SUCO: variants seen among roughly 807,000 people sequenced by gnomAD.
The protein encoded by SUCO is SUN domain containing ossification factor, also known as SUN domain-containing ossification factor.
SUCO carries 57 observed loss-of-function variants against 148.1 expected under a neutral mutation model. That is an observed-to-expected ratio of 0.38 (90% confidence interval 0.31 to 0.48). The LOEUF (loss-of-function observed/expected upper bound fraction) is 0.48. SUCO is among the 20% of genes least tolerant of loss of function. The pLI is 0.96. For missense variants in SUCO, 1,331 were observed against 1,468.2 expected, an observed-to-expected ratio of 0.91 and a Z score of 1.53; for synonymous variants, 470 against 502.7, an observed-to-expected ratio of 0.93 and a Z score of 0.87.
intron 9 of SUCO, 197 bp downstream of exon 9, chr1:172,570,927 C>G: frequency 2.1e-6 from 1 of 475,498 alleles, no homozygotes; most frequent in East Asian, 3.5e-5. Flanking sequence ...AATGGCAGAT[C>G]TGGTTAAACA....
chr1:172,559,596 A>G (rs1653992324), intron 6 of SUCO, among the ~76,000 whole-genome samples: 1 of 152,208 alleles, frequency 6.6e-6, no homozygotes, highest in Admixed American at 6.5e-5. Context: ...CTACCCCATA[A>G]GCATTGTGCC....
chr1:172,538,406 A>G (rs1201102221), intron 1 of SUCO, among the ~76,000 whole-genome samples: 2 of 152,176 alleles, frequency 1.3e-5, no homozygotes, highest in African/African-American at 4.8e-5. Context: ...AATATACATA[A>G]GTGAGCAGAA....
At position 172,551,530 on chromosome 1, in the gene SUCO, A is replaced by G. The variant is rs760855663; in HGVS notation, c.81A>G (p.Val27=). Residue 27 remains valine, a synonymous_variant, in exon 2 of 24, where the codon GTA becomes GTG. Transcript: ENST00000263688. ...CSLVWLPSWR[V]CCKESSSASA... The stretch of plus-strand genomic sequence containing the variant: ...TTTACAGGCTTCCCAGCTGGCGTGT[A>G]TGTTGTAAAGAGAGTTCTTCAGCTT... 8.7e-6 allele frequency: 14 copies of G among 1,606,268 alleles called. No individual in the cohort carries two copies. The highest frequency in any genetic ancestry group is 5.1e-5 in the Admixed American group (3 of 58,984).
At chr1:172,581,378 T>C (rs527445000) in intron 15 of SUCO, among the ~76,000 whole-genome samples, 1 of 152,228 alleles carries the variant, frequency 6.6e-6, no homozygotes, top group South Asian at 2.1e-4. Context: ...GTCTCTAAAA[T>C]GAGATTTAAA....
chr1:172,540,159 A>G (rs1314643892), intron 1 of SUCO, among the ~76,000 whole-genome samples: 1 of 152,222 alleles, frequency 6.6e-6, no homozygotes, highest in Non-Finnish European at 1.5e-5. Flanking sequence ...AGCTTGCCCA[A>G]GTTCTTACAG....
At chr1:172,602,372 G>C (rs1558214859) in intron 21 of SUCO, 154 bp downstream of exon 21, 2 of 976,836 alleles carry the variant, frequency 2.0e-6, no homozygotes, top group Non-Finnish European at 2.4e-6. Flanking sequence ...TCGATAGTAA[G>C]ATGGTCCTAT....
intron 1 of SUCO, among the ~76,000 whole-genome samples, chr1:172,538,089 A>T (rs1318857610): frequency 1.3e-5 from 2 of 152,172 alleles, no homozygotes; most frequent in African/African-American, 4.8e-5. Context: ...ACCACCTGAC[A>T]GAGGATGAGT....
rs764079452 is a variant in SUCO, at chr1:172,585,885, C to T, written c.1595C>T (p.Thr532Ile). 7 of 1,609,216 alleles carry T rather than the reference C, an allele frequency of 4.3e-6. No individual in the cohort carries two copies. In the African/African-American group the frequency reaches 5.4e-5, roughly 12 times the overall value. ...EGNKSISENA[T>I]ATAAPKMPES... ...AATAAAAGTATATCTGAGAATGCCA[C>T]TGCCACAGCTGCACCTAAAATGCCT... The change falls in exon 17 of 24, where the codon ACT becomes ATT. Residue 532 changes from threonine (T) to isoleucine (I), a missense_variant. Thr to Ile is a moderately conservative substitution (Grantham distance 89, BLOSUM62 -1). Around this residue, in one of 3 missense-constraint regions of SUCO, gnomAD observed 992 missense variants for 1,093.5 expected, o/e 0.91. Coordinates refer to ENST00000263688, the MANE Select transcript of SUCO (RefSeq NM_014283.5).
intron 1 of SUCO, among the ~76,000 whole-genome samples, chr1:172,545,640 A>G (rs1310794207): frequency 6.6e-6 from 1 of 152,232 alleles, no homozygotes; most frequent in Non-Finnish European, 1.5e-5. Flanking sequence ...GAGGACAGAA[A>G]CTAGATTTCA....
At chr1:172,602,553 C>T (rs560607032) in intron 21 of SUCO, 143 bp from the exon 22 acceptor site, 1 of 1,432,258 alleles carries the variant, frequency 7.0e-7, no homozygotes, top group Non-Finnish European at 9.1e-7. Context: ...TTTTTTCCAC[C>T]TGTATTAGCA....
chr1:172,586,015 AAAG>A, intron 17 of SUCO, 67 bp downstream of exon 17: 1 of 1,045,268 alleles, frequency 9.6e-7, no homozygotes, highest in Middle Eastern at 2.1e-4. Context: ...TAGTATAAAA[AAAG>A]GAATTTGTGA....
chr1:172,557,441 C>A, intron 5 of SUCO, 24 bp downstream of exon 5: 1 of 1,613,142 alleles, frequency 6.2e-7, no homozygotes, highest in Non-Finnish European at 8.5e-7. Flanking sequence ...GTTGTTTGTC[C>A]TTCTTATGAT....
intron 4 of SUCO, 48 bp downstream of exon 4, chr1:172,556,071 T>C: frequency 6.7e-7 from 1 of 1,487,220 alleles, no homozygotes; most frequent in Non-Finnish European, 9.2e-7. Context: ...CCTTAGTTAG[T>C]GATAGAAAAA....
rs114450780 is a variant in SUCO, at chr1:172,588,551, C to G, written c.1659-209C>G. ...GTGGTTTGAGTCATCTGGCTAGTCA[C>G]TTGATAAATAGTATTTCTCTTATCA... On this transcript the variant is annotated intron_variant, in intron 17 of 23. Transcript: ENST00000263688. 2,186 of 985,002 alleles carry G rather than the reference C, an allele frequency of 2.2e-3. 42 individuals are homozygous for G. The African/African-American group carries it at 0.035, about 16-fold the overall frequency. The allele number at this position is 985,002 out of a possible 1,614,324, so 61.0% of individuals were successfully genotyped here. A position where few individuals can be genotyped will look rare whatever the true frequency, so the allele number is the denominator to read the frequency against.
chr1:172,579,070 A>G, intron 14 of SUCO, 132 bp from the exon 15 acceptor site: 1 of 599,438 alleles, frequency 1.7e-6, no homozygotes, highest in South Asian at 2.0e-5. Context: ...CATGTTTTAG[A>G]TATATGATTC....
Position 172,578,286 on chromosome 1 carries a change from T to A in SUCO, c.1341-12T>A. On this transcript the variant is annotated splice_polypyrimidine_tract_variant and intron_variant, in intron 13 of 23. Transcript: ENST00000263688. ...TTGTTTTGGAAGTCTTTAATGAAAT[T>A]GTTGTTGATAGGGTATTTGGCACTA... 1.3e-6 allele frequency: 2 copies of A among 1,579,950 alleles called. No individual in the cohort carries two copies. Among genetic ancestry groups the A allele is most frequent in the Middle Eastern group, 3.4e-4 (2 of 5,968 alleles).
chr1:172,558,562 C>T (rs575220490), intron 6 of SUCO, among the ~76,000 whole-genome samples: 2 of 151,390 alleles, frequency 1.3e-5, no homozygotes, highest in Non-Finnish European at 2.9e-5. Flanking sequence ...TTCTTTTTCA[C>T]GTATTTTCAG....
chr1:172,557,540 T>C, intron 5 of SUCO, 104 bp from the exon 6 acceptor site: 2 of 1,484,224 alleles, frequency 1.3e-6, no homozygotes, highest in Middle Eastern at 3.6e-4. Context: ...TCTTTGTGTT[T>C]CTTCCTTGGT....
intron 3 of SUCO, chr1:172,555,226 A>G (rs926482218): frequency 2.4e-5 from 4 of 164,574 alleles, no homozygotes; most frequent in African/African-American, 9.6e-5. Context: ...GAGTTGTTAT[A>G]GATGCAGTGA....
Sources: gnomAD v4.1 joint callset for allele counts (sites outside exome capture counted in the v4.1 genomes callset) on GRCh38, gnomAD v4.1.1 for gene constraint, gnomAD v4.1.1 regional missense constraint, MANE v1.5 for transcripts, NCBI Gene and HGNC (gene_info 2026-07-23, HGNC 2026-07-21) for gene names.